GPC5: variants seen among roughly 807,000 people sequenced by gnomAD.
The protein encoded by GPC5 is glypican-5.
GPC5 carries 47 observed loss-of-function variants against 53.9 expected under a neutral mutation model. That is an observed-to-expected ratio of 0.87 (90% CI 0.69 to 1.11). The LOEUF (loss-of-function observed/expected upper bound fraction) is 1.11, where lower values mean the gene tolerates loss of function less well. GPC5 is among the 50% of genes most tolerant of loss of function. The pLI, the probability that GPC5 is intolerant of heterozygous loss-of-function variation, is 0.00. For missense variants in GPC5, 748 were observed against 713.1 expected, an observed-to-expected ratio of 1.05 and a Z score of -0.56; for synonymous variants, 286 against 263.3, an observed-to-expected ratio of 1.09 and a Z score of -0.84.
At chr13:92,191,646 T>A (rs2042223531) in intron 7 of GPC5, among the ~76,000 whole-genome samples, 1 of 152,158 alleles carries the variant, frequency 6.6e-6, no homozygotes. Flanking sequence ...ATGAATTAAC[T>A]GCGGTATATC....
At chr13:92,863,225 A>G (rs1430982460) in intron 7 of GPC5, among the ~76,000 whole-genome samples, 1 of 152,188 alleles carries the variant, frequency 6.6e-6, no homozygotes, top group African/African-American at 2.4e-5. Context: ...AGGTGATCAG[A>G]GCACAGACTG....
chr13:91,565,340 TACAG>T (rs1366112347), intron 2 of GPC5, among the ~76,000 whole-genome samples: 13 of 152,204 alleles, frequency 8.5e-5, no homozygotes, highest in Non-Finnish European at 1.9e-4. Context: ...TTCAACAATG[TACAG>T]TTGTTAGAAA....
intron 7 of GPC5, among the ~76,000 whole-genome samples, chr13:92,623,093 G>T (rs1594357225): frequency 6.6e-6 from 1 of 152,000 alleles, no homozygotes; most frequent in South Asian, 2.1e-4. Flanking sequence ...TTGAGCCTGG[G>T]AGGCGGGGGT....
intron 7 of GPC5, chr13:92,241,935 T>C (rs958982099): frequency 3.3e-5 from 5 of 151,900 alleles, no homozygotes; most frequent in African/African-American, 1.2e-4. Context: ...GTAGAAGAAT[T>C]AGAAATTAAT....
intron 7 of GPC5, among the ~76,000 whole-genome samples, chr13:92,527,155 A>AGAAG (rs1881334240): frequency 7.8e-6 from 1 of 128,362 alleles, no homozygotes; most frequent in Non-Finnish European, 1.7e-5. Flanking sequence ...AAAGAAAGAA[A>AGAAG]GAAAGAAAGA....
intron 2 of GPC5, among the ~76,000 whole-genome samples, chr13:91,614,260 G>C (rs2033636784): frequency 6.6e-6 from 1 of 152,182 alleles, no homozygotes; most frequent in Non-Finnish European, 1.5e-5. Context: ...TAATTGAAAG[G>C]AAAAGATGTA....
At chr13:91,420,769 GT>G (rs1317540318) in intron 1 of GPC5, among the ~76,000 whole-genome samples, 2 of 152,176 alleles carry the variant, frequency 1.3e-5, no homozygotes, top group Non-Finnish European at 2.9e-5. Context: ...AGAGCTGATG[GT>G]TTTATAAGGA....
chr13:92,214,939 A>G (rs2042399564), intron 7 of GPC5, among the ~76,000 whole-genome samples: 1 of 152,166 alleles, frequency 6.6e-6, no homozygotes, highest in Admixed American at 6.5e-5. Context: ...GAAGCTGGAC[A>G]TGTCAAGGAA....
chr13:92,732,814 A>G (rs1210409005), intron 7 of GPC5, among the ~76,000 whole-genome samples: 2 of 151,654 alleles, frequency 1.3e-5, no homozygotes, highest in African/African-American at 4.8e-5. Flanking sequence ...TGGTCTTTTC[A>G]TAACTCACTG....
intron 7 of GPC5, among the ~76,000 whole-genome samples, chr13:92,837,228 A>C (rs1297074810): frequency 3.3e-5 from 5 of 152,228 alleles, no homozygotes; most frequent in African/African-American, 9.6e-5. Context: ...ACTCCAAGAT[A>C]TACCAACCAA....
chr13:92,217,820 A>G (rs2042421612), intron 7 of GPC5, among the ~76,000 whole-genome samples: 1 of 151,836 alleles, frequency 6.6e-6, no homozygotes, highest in Admixed American at 6.6e-5. Context: ...TAACTCATGC[A>G]GTTACCCTAA....
intron 2 of GPC5, among the ~76,000 whole-genome samples, chr13:91,504,026 T>A (rs764605407): frequency 6.6e-6 from 1 of 151,946 alleles, no homozygotes; most frequent in Non-Finnish European, 1.5e-5. Context: ...AACAATTTAA[T>A]GTTATGAAAT....
intron 6 of GPC5, among the ~76,000 whole-genome samples, chr13:91,927,852 G>T (rs2139026950): frequency 6.6e-6 from 1 of 152,246 alleles, no homozygotes; most frequent in East Asian, 1.9e-4. Context: ...GATGAAAATG[G>T]AGTCATTGGG....
chr13:92,778,456 G>A (rs1453864985), intron 7 of GPC5, among the ~76,000 whole-genome samples: 51 of 152,216 alleles, frequency 3.4e-4, no homozygotes, highest in Non-Finnish European at 1.5e-5. Context: ...TCTTTATTAA[G>A]AGTAAGTATA....
Position 91,501,804 on chromosome 13 carries a change from C to T in GPC5, c.325+52882C>T, listed in dbSNP as rs150084396. On this transcript the variant is annotated intron_variant, in intron 2 of 7. Transcript: ENST00000377067. ...TCAAATGGTATTTCTAGTTCTAGAT[C>T]TCTGAGGAATCGCCACACTGACTTC... Among the ~76,000 whole-genome samples the T allele has an allele frequency of 7.3e-3, 1,119 of 152,330 alleles. 15 individuals carry two copies. Among genetic ancestry groups the T allele is most frequent in the African/African-American group, 0.024 (1,010 of 41,568 alleles).
At chr13:91,850,543 C>T (rs552010557) in intron 5 of GPC5, among the ~76,000 whole-genome samples, 3 of 152,220 alleles carry the variant, frequency 2.0e-5, no homozygotes, top group African/African-American at 7.2e-5. Context: ...CTGATCTTCC[C>T]TATTCTATTG....
At chr13:92,291,637 G>A (rs1055339180) in intron 7 of GPC5, among the ~76,000 whole-genome samples, 1 of 152,146 alleles carries the variant, frequency 6.6e-6, no homozygotes, top group African/African-American at 2.4e-5. Context: ...GCCAGCAGTG[G>A]CAACCCGCTA....
At chr13:92,382,813 A>G (rs1432384512) in intron 7 of GPC5, among the ~76,000 whole-genome samples, 1 of 151,942 alleles carries the variant, frequency 6.6e-6, no homozygotes, top group Non-Finnish European at 1.5e-5. Flanking sequence ...GATCAAGACC[A>G]CAGTGAAACC....
intron 7 of GPC5, among the ~76,000 whole-genome samples, chr13:92,246,218 C>T (rs1312749277): frequency 6.6e-6 from 1 of 152,052 alleles, no homozygotes; most frequent in Non-Finnish European, 1.5e-5. Context: ...TCATTTTAAG[C>T]TAGAGACCTT....
Sources: allele counts gnomAD v4.1 joint callset (sites outside exome capture counted in the v4.1 genomes callset), GRCh38; gene constraint gnomAD v4.1.1; transcripts MANE v1.5; gene names NCBI Gene and HGNC (gene_info 2026-07-23, HGNC 2026-07-21).